The following CBFA2T2 variants were observed in gnomAD, a reference collection of about 807,000 sequenced individuals.
CBFA2T2 encodes CBFA2/RUNX1 partner transcriptional co-repressor 2.
In CBFA2T2, 11 loss-of-function variants were observed where a neutral mutation model predicts 62.2. The observed-to-expected ratio is 0.18, with a 90% CI of 0.11 to 0.29. CBFA2T2 has a LOEUF of 0.29. Among genes scored for constraint, CBFA2T2 ranks in the 10% least tolerant of loss-of-function variants. CBFA2T2 has a pLI of 1.00. For synonymous variants in CBFA2T2, 295 were observed against 287.5 expected, an observed-to-expected ratio of 1.03 and a Z score of -0.27; for missense variants, 592 against 774.1, an observed-to-expected ratio of 0.76 and a Z score of 2.79.
At chr20:33,501,000 G>C (rs950102310) in intron 1 of CBFA2T2, among the ~76,000 whole-genome samples, 2 of 152,144 alleles carry the variant, frequency 1.3e-5, no homozygotes, top group Non-Finnish European at 2.9e-5. Flanking sequence ...ATCAAATATA[G>C]TATATAGACT....
chr20:33,612,489 A>C (rs1004655087), intron 3 of CBFA2T2, among the ~76,000 whole-genome samples: 2 of 152,200 alleles, frequency 1.3e-5, no homozygotes, highest in Non-Finnish European at 2.9e-5. Context: ...TCATAATATA[A>C]CAGTAGACTA....
intron 1 of CBFA2T2, among the ~76,000 whole-genome samples, chr20:33,598,700 C>T (rs1601036364): frequency 6.6e-6 from 1 of 152,238 alleles, no homozygotes; most frequent in East Asian, 1.9e-4. Flanking sequence ...TAGGAAATCA[C>T]AAGAGTATTG....
intron 1 of CBFA2T2, among the ~76,000 whole-genome samples, chr20:33,545,406 A>C (rs1261293513): frequency 6.8e-6 from 1 of 147,208 alleles, no homozygotes; most frequent in Non-Finnish European, 1.5e-5. Flanking sequence ...CCCAAATGAA[A>C]TGATTTTTAG....
chr20:33,531,149 G>C (rs777252667), intron 1 of CBFA2T2, among the ~76,000 whole-genome samples: 2 of 152,154 alleles, frequency 1.3e-5, no homozygotes, highest in Non-Finnish European at 2.9e-5. Context: ...TGAGAGCAAG[G>C]GTTTAAGGAC....
chr20:33,626,011 A>T (rs1479504304), intron 6 of CBFA2T2, among the ~76,000 whole-genome samples: 1 of 152,226 alleles, frequency 6.6e-6, no homozygotes, highest in Non-Finnish European at 1.5e-5. Flanking sequence ...CTGAGGCAGG[A>T]GAATGGCGTG....
chr20:33,635,416 C>T lies in CBFA2T2; in HGVS notation c.1229-1224C>T, dbSNP rs2016599351. On this transcript the variant is annotated intron_variant, in intron 8 of 10. Transcript: ENST00000342704. ...GAAAGGAAGGAAAGGAATCCCTAGGCTGGTGAAGGAGAGCCCCAAGCATTA... is the reference window on the plus strand; with the variant it reads ...GAAAGGAAGGAAAGGAATCCCTAGGTTGGTGAAGGAGAGCCCCAAGCATTA... Among the ~76,000 whole-genome samples the T allele has an allele frequency of 2.0e-5, 3 of 152,174 alleles. No homozygotes were observed. The South Asian group carries it at 6.2e-4, about 31-fold the overall frequency.
chr20:33,494,265 AT>A (rs1195093291), intron 1 of CBFA2T2, among the ~76,000 whole-genome samples: 1 of 64,642 alleles, frequency 1.5e-5, no homozygotes, highest in African/African-American at 7.0e-5. Context: ...ATATATATAT[AT>A]ATATATATTT....
intron 1 of CBFA2T2, among the ~76,000 whole-genome samples, chr20:33,583,402 A>C (rs187319058): frequency 1.3e-5 from 2 of 152,360 alleles, no homozygotes; most frequent in East Asian, 3.9e-4. Flanking sequence ...GGGTAGACTG[A>C]GTATATGACT....
At position 33,596,613 on chromosome 20, in the gene CBFA2T2, G is replaced by A. The variant is rs115756282; in HGVS notation, c.35-10343G>A. Among the ~76,000 whole-genome samples, 968 of 152,038 alleles carry A rather than the reference G, an allele frequency of 6.4e-3. 5 individuals carry two copies. Among genetic ancestry groups the A allele is most frequent in the African/African-American group, 0.022 (917 of 41,476 alleles). ...ATGATCTCTAAGAGTGGAAATACCT[G>A]CAGATCTGTACCCACTTCCAGTAAG... is the stretch of plus-strand genomic sequence containing the variant. On this transcript the variant is annotated intron_variant, in intron 1 of 10. Transcript: ENST00000342704.
chr20:33,527,519 C>T (rs1290706272), intron 1 of CBFA2T2, among the ~76,000 whole-genome samples: 4 of 151,892 alleles, frequency 2.6e-5, no homozygotes, highest in African/African-American at 4.8e-5. Flanking sequence ...ATCACAGATG[C>T]GTGCCACTAC....
At chr20:33,598,740 CTT>C (rs2014997234) in intron 1 of CBFA2T2, among the ~76,000 whole-genome samples, 1 of 152,154 alleles carries the variant, frequency 6.6e-6, no homozygotes, top group African/African-American at 2.4e-5. Flanking sequence ...TCCATAAAAT[CTT>C]TACAATTTAT....
At chr20:33,491,178 A>G (rs567849292) in intron 1 of CBFA2T2, among the ~76,000 whole-genome samples, 1 of 152,170 alleles carries the variant, frequency 6.6e-6, no homozygotes, top group Non-Finnish European at 1.5e-5. Context: ...TATTGTAATT[A>G]TAATAGCCAA....
At chr20:33,642,140 G>A (rs1393056811) in intron 10 of CBFA2T2, among the ~76,000 whole-genome samples, 1 of 149,804 alleles carries the variant, frequency 6.7e-6, no homozygotes, top group Non-Finnish European at 1.5e-5. Flanking sequence ...GTGTGTGTGT[G>A]TGTGTGTGTG....
intron 1 of CBFA2T2, among the ~76,000 whole-genome samples, chr20:33,512,102 G>A (rs1322300725): frequency 2.0e-5 from 3 of 151,810 alleles, no homozygotes; most frequent in Non-Finnish European, 2.9e-5. Flanking sequence ...GCTTGAACCC[G>A]GGAGGGGGAG....
At chr20:33,615,825 G>A (rs1200265950) in intron 3 of CBFA2T2, among the ~76,000 whole-genome samples, 1 of 152,124 alleles carries the variant, frequency 6.6e-6, no homozygotes, top group Non-Finnish European at 1.5e-5. Context: ...TACATAAGCA[G>A]TGAGTTCCCT....
At chr20:33,642,614 A>AG (rs2016898724) in intron 10 of CBFA2T2, among the ~76,000 whole-genome samples, 1 of 151,974 alleles carries the variant, frequency 6.6e-6, no homozygotes, top group Non-Finnish European at 1.5e-5. Context: ...AAAAAAAAAA[A>AG]GAAAAAAGAA....
chr20:33,584,675 G>A (rs149065178), intron 1 of CBFA2T2, among the ~76,000 whole-genome samples: 156 of 152,212 alleles, frequency 1.0e-3, no homozygotes, highest in Non-Finnish European at 1.6e-3. Context: ...GATGATGGTG[G>A]TCATGATGGC....
chr20:33,544,840 C>T (rs1376531026), intron 1 of CBFA2T2, among the ~76,000 whole-genome samples: 1 of 152,088 alleles, frequency 6.6e-6, no homozygotes, highest in Non-Finnish European at 1.5e-5. Context: ...CCACTGTGCC[C>T]GGCCTATGTG....
intron 3 of CBFA2T2, among the ~76,000 whole-genome samples, chr20:33,616,376 T>C (rs1217469211): frequency 6.6e-6 from 1 of 152,182 alleles, no homozygotes; most frequent in Non-Finnish European, 1.5e-5. Context: ...TGTATTTCTG[T>C]ATTTTGGTCA....
Sources: gnomAD v4.1 joint callset for allele counts (sites outside exome capture counted in the v4.1 genomes callset) on GRCh38, gnomAD v4.1.1 for gene constraint, MANE v1.5 for transcripts, NCBI Gene and HGNC (gene_info 2026-07-23, HGNC 2026-07-21) for gene names.